Variants in LGSN observed in about 807,000 individuals in gnomAD.
LGSN encodes lengsin, lens protein with glutamine synthetase domain, also known as lengsin.
Under a neutral mutation model 19.5 loss-of-function variants are expected in LGSN, and 21 were observed. The ratio of observed to expected loss-of-function variants is 1.07; its 90% CI spans 0.76 to 1.55. The LOEUF (loss-of-function observed/expected upper bound fraction) is 1.55. LGSN is among the 40% of genes most tolerant of loss of function. LGSN has a pLI of 0.00. For synonymous variants in LGSN, 257 were observed against 215.6 expected (o/e 1.19, Z -1.68); for missense variants, 673 against 608.5 (o/e 1.11, Z -1.12).
the LGSN span, among the ~76,000 whole-genome samples, chr6:63,549,802 G>T: frequency 6.6e-6 from 1 of 152,144 alleles, no homozygotes; most frequent in Admixed American, 6.6e-5. Context: ...TATACTAGAG[G>T]CTTGGAAGGG....
chr6:63,368,017 C>A, the LGSN span, among the ~76,000 whole-genome samples: 2 of 151,200 alleles, frequency 1.3e-5, no homozygotes, highest in African/African-American at 4.9e-5. Context: ...GTACAGCACA[C>A]CAACATGGCA....
At chr6:63,536,311 C>T in the LGSN span, among the ~76,000 whole-genome samples, 2 of 151,912 alleles carry the variant, frequency 1.3e-5, no homozygotes, top group Admixed American at 1.3e-4. Flanking sequence ...GCCTGAGCAA[C>T]AAGAGCTAGA....
chr6:63,563,107 ACAAGGCAGGAAATCTCAAGTG>A, the LGSN span, among the ~76,000 whole-genome samples: 1 of 152,194 alleles, frequency 6.6e-6, no homozygotes, highest in South Asian at 2.1e-4. Flanking sequence ...CTTCCATTTG[ACAAGGCAGGAAATCTCAAGTG>A]TTTCACCCTG....
At chr6:63,467,745 G>T in the LGSN span, among the ~76,000 whole-genome samples, 1 of 152,190 alleles carries the variant, frequency 6.6e-6, no homozygotes, top group South Asian at 2.1e-4. Context: ...AGGCTGCAGT[G>T]CGGTGGCGTG....
chr6:63,472,246 T>A, the LGSN span, among the ~76,000 whole-genome samples: 1 of 152,248 alleles, frequency 6.6e-6, no homozygotes, highest in Non-Finnish European at 1.5e-5. Flanking sequence ...GAATCGGGAC[T>A]GGTCCTGTCT....
At chr6:63,482,613 C>T in the LGSN span, among the ~76,000 whole-genome samples, 1 of 152,106 alleles carries the variant, frequency 6.6e-6, no homozygotes, top group Non-Finnish European at 1.5e-5. Context: ...CCTGTGGTCC[C>T]AGCTTCTCAG....
the LGSN span, among the ~76,000 whole-genome samples, chr6:63,511,850 T>C: frequency 6.6e-6 from 1 of 152,182 alleles, no homozygotes; most frequent in African/African-American, 2.4e-5. Flanking sequence ...ACTACTTATG[T>C]GTACACATTT....
the LGSN span, among the ~76,000 whole-genome samples, chr6:63,363,028 C>T: frequency 1.3e-5 from 2 of 152,208 alleles, no homozygotes; most frequent in Admixed American, 6.5e-5. Context: ...GCAATATTTG[C>T]CGTTCTGCAA....
the LGSN span, among the ~76,000 whole-genome samples, chr6:63,508,728 C>A: frequency 6.6e-6 from 1 of 151,764 alleles, no homozygotes; most frequent in Non-Finnish European, 1.5e-5. Context: ...ACCAGCCTGA[C>A]CAACTTGGCG....
the LGSN span, among the ~76,000 whole-genome samples, chr6:63,362,598 G>C: frequency 1.3e-5 from 2 of 152,146 alleles, no homozygotes; most frequent in Non-Finnish European, 2.9e-5. Context: ...CTCACTCACT[G>C]CTAGCACAGC....
At chr6:63,367,062 A>G in the LGSN span, among the ~76,000 whole-genome samples, 1 of 152,306 alleles carries the variant, frequency 6.6e-6, no homozygotes, top group East Asian at 1.9e-4. Context: ...ACCAAAAGCA[A>G]AGGCAACAAA....
the LGSN span, among the ~76,000 whole-genome samples, chr6:63,416,125 C>CTTTTTTTTTTTTTTTTTT: frequency 7.3e-6 from 1 of 136,280 alleles, no homozygotes; most frequent in African/African-American, 2.6e-5. Flanking sequence ...TTTTTTTTTG[C>CTTTTTTTTTTTTTTTTTT]TTTTTTTTTT....
chr6:63,538,036 A>G, the LGSN span, among the ~76,000 whole-genome samples: 16 of 152,390 alleles, frequency 1.0e-4, no homozygotes, highest in African/African-American at 3.8e-4. Context: ...TTAGTAAGAA[A>G]GAAAGATAAA....
At chr6:63,512,721 G>A in the LGSN span, among the ~76,000 whole-genome samples, 1 of 152,260 alleles carries the variant, frequency 6.6e-6, no homozygotes, top group East Asian at 1.9e-4. Context: ...CTGAGATTTT[G>A]TTAGTATGGA....
intron 1 of LGSN, among the ~76,000 whole-genome samples, chr6:63,305,944 G>A (rs765248207): frequency 6.6e-6 from 1 of 151,968 alleles, no homozygotes; most frequent in Non-Finnish European, 1.5e-5. Flanking sequence ...TTTGGTGTCT[G>A]TAGTCCCAGC....
the LGSN span, among the ~76,000 whole-genome samples, chr6:63,375,275 T>C: frequency 3.9e-5 from 6 of 152,212 alleles, no homozygotes; most frequent in South Asian, 1.2e-3. Context: ...AATACATTAT[T>C]GGTGGTCCTC....
the LGSN span, among the ~76,000 whole-genome samples, chr6:63,335,419 TA>T: frequency 6.6e-6 from 1 of 151,632 alleles, no homozygotes; most frequent in Non-Finnish European, 1.5e-5. Flanking sequence ...AACTCAGCAG[TA>T]AAAAACCCAA....
the LGSN span, among the ~76,000 whole-genome samples, chr6:63,398,690 G>T: frequency 6.6e-6 from 1 of 152,108 alleles, no homozygotes; most frequent in African/African-American, 2.4e-5. Flanking sequence ...GCCTAAATGT[G>T]CAATGTGTAT....
At chr6:63,478,814 G>A in the LGSN span, among the ~76,000 whole-genome samples, 1 of 152,172 alleles carries the variant, frequency 6.6e-6, no homozygotes, top group Non-Finnish European at 1.5e-5. Context: ...TGTGCTTTAA[G>A]GTTGGTTTGA....
Sources: allele counts gnomAD v4.1 joint callset (sites outside exome capture counted in the v4.1 genomes callset), GRCh38; gene constraint gnomAD v4.1.1; transcripts MANE v1.5; gene names NCBI Gene and HGNC (gene_info 2026-07-23, HGNC 2026-07-21).